MTMR7: variants seen among roughly 807,000 people sequenced by gnomAD.
MTMR7 encodes phosphatidylinositol-3-phosphate phosphatase MTMR7.
In MTMR7, 76 loss-of-function variants were observed where a neutral mutation model predicts 81.2. The ratio of observed to expected loss-of-function variants is 0.94; its 90% CI spans 0.78 to 1.13. The LOEUF (loss-of-function observed/expected upper bound fraction) is 1.13, where lower values mean the gene tolerates loss of function less well. MTMR7 is among the 50% of genes most tolerant of loss of function. The pLI, the probability that MTMR7 is intolerant of heterozygous loss-of-function variation, is 0.00. For synonymous variants in MTMR7, 372 were observed against 289.8 expected (o/e 1.28, Z -2.88); for missense variants, 1,044 against 820.0 (o/e 1.27, Z -3.34).
rs915889741 is a variant in MTMR7 at position 17,313,373 on chromosome 8, A to C, written c.894T>G (p.Ser298Arg). The C allele has an allele frequency of 1.2e-6, 2 of 1,612,264 alleles. No individual in the cohort carries two copies. The highest frequency in any genetic ancestry group is 1.7e-6 in the Non-Finnish European group (2 of 1,178,690). Reference sequence around the variant, plus strand: ...AGTTCTCCAGACCCCACAGGAAATCACTCATGGAGGGAGATTTAAGTTCAC... The same window carrying C: ...AGTTCTCCAGACCCCACAGGAAATCCCTCATGGAGGGAGATTTAAGTTCAC... ...EVCELKSPSM[S>R]DFLWGLENSG... is the part of the protein sequence containing the mutation. The change falls in exon 8 of 14, where the codon AGT becomes AGG. Residue 298 changes from serine to arginine, a missense_variant. Transcript: ENST00000180173.
intron 6 of MTMR7, among the ~76,000 whole-genome samples, chr8:17,335,066 G>C (rs1563342673): frequency 6.6e-6 from 1 of 152,182 alleles, no homozygotes. Flanking sequence ...TGGCAGCGGA[G>C]AGCAACTCCA....
chr8:17,361,941 C>G (rs1585090617), intron 3 of MTMR7, among the ~76,000 whole-genome samples: 1 of 152,114 alleles, frequency 6.6e-6, no homozygotes, highest in African/African-American at 2.4e-5. Context: ...TTCTTTCAAT[C>G]CTGTCGTGTT....
chr8:17,400,114 GTTTA>G (rs72167963), intron 1 of MTMR7, among the ~76,000 whole-genome samples: 6,856 of 152,184 alleles, frequency 0.045, 405 homozygotes, highest in East Asian at 0.32. Context: ...ATCAATTTAT[GTTTA>G]TTTGTTTACT....
chr8:17,313,835 C>T (rs1479003504), intron 7 of MTMR7, among the ~76,000 whole-genome samples: 1 of 152,206 alleles, frequency 6.6e-6, no homozygotes, highest in Non-Finnish European at 1.5e-5. Flanking sequence ...CCAACCACTT[C>T]AGATTAGGAC....
intron 1 of MTMR7, among the ~76,000 whole-genome samples, chr8:17,403,097 AGATT>A (rs1448183434): frequency 6.6e-6 from 1 of 152,188 alleles, no homozygotes; most frequent in East Asian, 1.9e-4. Context: ...TCAGATTATT[AGATT>A]TTTTTTCCTA....
At chr8:17,389,572 G>C (rs1051930003) in intron 1 of MTMR7, among the ~76,000 whole-genome samples, 17 of 152,188 alleles carry the variant, frequency 1.1e-4, no homozygotes, top group Admixed American at 2.6e-4. Flanking sequence ...CAGATGCTAA[G>C]TATTTGTTCA....
rs1821792515 is a variant in MTMR7 at position 17,413,347 on chromosome 8, C to A, written c.-55G>T. ...GGGCGCGGCCTCACGCACCTGCGCG[C>A]CTCTGCGGCGCGATGGGAGGGGCGC... On this transcript the variant is annotated 5_prime_UTR_variant, in exon 1 of 14. Coordinates refer to ENST00000180173, the MANE Select transcript of MTMR7 (RefSeq NM_004686.5). The A allele has an allele frequency of 2.0e-6, 3 of 1,486,426 alleles. No homozygotes were observed. The highest frequency in any genetic ancestry group is 4.9e-5 in the Admixed American group (2 of 40,554). The allele number at this position is 1,486,426 out of a possible 1,614,324, so 92.1% of individuals were successfully genotyped here.
At chr8:17,389,701 T>C (rs992859749) in intron 1 of MTMR7, among the ~76,000 whole-genome samples, 2 of 152,104 alleles carry the variant, frequency 1.3e-5, no homozygotes, top group African/African-American at 2.4e-5. Context: ...GACAGGAAGT[T>C]AGGAAAGATT....
rs184704359 is a variant in MTMR7 at position 17,397,106 on chromosome 8, T to C, written c.24+16163A>G. ...GTACACAGTGGGCCTTGGGTGAGAC[T>C]GAGGCGTGCTGGCTTCAGGGGAGCC... On this transcript the variant is annotated intron_variant, in intron 1 of 13. Coordinates refer to ENST00000180173, the MANE Select transcript of MTMR7 (RefSeq NM_004686.5). Among the ~76,000 whole-genome samples, 438 of 151,932 alleles carry C rather than the reference T, an allele frequency of 2.9e-3. 1 individual carries two copies. The highest frequency in any genetic ancestry group is 5.3e-3 in the Admixed American group (81 of 15,248).
chr8:17,385,984 G>A (rs759158501), intron 1 of MTMR7, among the ~76,000 whole-genome samples: 1 of 152,144 alleles, frequency 6.6e-6, no homozygotes, highest in Non-Finnish European at 1.5e-5. Flanking sequence ...GTGAAAATTA[G>A]ACAGCTGCTG....
At chr8:17,377,967 GA>G (rs1187810333) in intron 1 of MTMR7, among the ~76,000 whole-genome samples, 2 of 152,138 alleles carry the variant, frequency 1.3e-5, no homozygotes, top group Admixed American at 1.3e-4. Context: ...ATAATACTTT[GA>G]GGCAAAAATA....
At chr8:17,365,503 G>C (rs1191134776) in intron 3 of MTMR7, among the ~76,000 whole-genome samples, 3 of 152,124 alleles carry the variant, frequency 2.0e-5, no homozygotes, top group Non-Finnish European at 1.5e-5. Context: ...CATGTTAAAA[G>C]CTCCTCTGGC....
intron 1 of MTMR7, among the ~76,000 whole-genome samples, chr8:17,396,609 A>G (rs1821259962): frequency 6.6e-6 from 1 of 152,138 alleles, no homozygotes; most frequent in Non-Finnish European, 1.5e-5. Context: ...ACTGCAGGCT[A>G]AAGTGCTCCC....
intron 1 of MTMR7, among the ~76,000 whole-genome samples, chr8:17,411,479 G>A (rs1168568523): frequency 6.6e-6 from 1 of 152,124 alleles, no homozygotes; most frequent in African/African-American, 2.4e-5. Context: ...ACAGAGCCTG[G>A]CACATGAAAG....
At chr8:17,306,638 T>C (rs1340865902) in intron 10 of MTMR7, among the ~76,000 whole-genome samples, 2 of 152,184 alleles carry the variant, frequency 1.3e-5, no homozygotes, top group Non-Finnish European at 2.9e-5. Flanking sequence ...AAAGGATGTT[T>C]TGGTGTCATC....
chr8:17,361,377 C>G (rs1038103320), intron 3 of MTMR7, 103 bp from the exon 4 acceptor site: 1 of 1,238,526 alleles, frequency 8.1e-7, no homozygotes, highest in African/African-American at 1.5e-5. Flanking sequence ...GAGAGGCCAT[C>G]CCAACCCCCA....
chr8:17,399,004 C>A (rs1821342631), intron 1 of MTMR7, among the ~76,000 whole-genome samples: 1 of 152,060 alleles, frequency 6.6e-6, no homozygotes, highest in African/African-American at 2.4e-5. Flanking sequence ...ACATATACAA[C>A]AGACTCACAG....
chr8:17,310,041 C>T (rs1050157144), intron 9 of MTMR7, among the ~76,000 whole-genome samples: 1 of 152,126 alleles, frequency 6.6e-6, no homozygotes, highest in African/African-American at 2.4e-5. Flanking sequence ...CACTCAGCCA[C>T]GTAGGCTGGA....
intron 3 of MTMR7, 59 bp from the exon 4 acceptor site, chr8:17,361,333 C>A (rs1370107367): frequency 6.3e-7 from 1 of 1,594,206 alleles, no homozygotes; most frequent in African/African-American, 1.3e-5. Context: ...AGCCAAATCT[C>A]CCCGAAAACA....
Sources: gnomAD v4.1 joint callset for allele counts (sites outside exome capture counted in the v4.1 genomes callset) on GRCh38, gnomAD v4.1.1 for gene constraint, MANE v1.5 for transcripts, NCBI Gene and HGNC (gene_info 2026-07-23, HGNC 2026-07-21) for gene names.